Variants in SNX29 observed in about 807,000 individuals in gnomAD.
SNX29 encodes the protein sorting nexin-29.
SNX29 carries 78 observed loss-of-function variants against 102.1 expected under a neutral mutation model. The observed-to-expected ratio is 0.76, with a 90% CI of 0.64 to 0.92. The LOEUF is 0.92. Among genes scored for constraint, SNX29 ranks in the 40% least tolerant of loss-of-function variants. SNX29 has a pLI of 0.00. For synonymous variants in SNX29, 580 were observed against 414.5 expected, an observed-to-expected ratio of 1.40 and a Z score of -4.85; for missense variants, 1,280 against 1,061.7, an observed-to-expected ratio of 1.21 and a Z score of -2.86.
intron 16 of SNX29, among the ~76,000 whole-genome samples, chr16:12,363,098 G>A (rs1248953155): frequency 1.3e-5 from 2 of 152,306 alleles, no homozygotes; most frequent in East Asian, 3.9e-4. Context: ...AGGCTGTGAT[G>A]GCCAGAAGGG....
chr16:12,010,884 C>A (rs1437776254), intron 3 of SNX29, among the ~76,000 whole-genome samples: 1 of 152,050 alleles, frequency 6.6e-6, no homozygotes, highest in Non-Finnish European at 1.5e-5. Flanking sequence ...ACGTGTATCC[C>A]CCAGAGGACT....
chr16:12,540,018 C>A (rs1641894), intron 20 of SNX29, among the ~76,000 whole-genome samples: 38,758 of 152,174 alleles, frequency 0.25, 5,913 homozygotes, highest in South Asian at 0.43. Flanking sequence ...TTGCATGACA[C>A]CTTTTTAATT....
intron 20 of SNX29, among the ~76,000 whole-genome samples, chr16:12,564,930 G>C (rs911501657): frequency 8.7e-5 from 3 of 34,502 alleles, no homozygotes; most frequent in African/African-American, 2.8e-4. Flanking sequence ...GGGAACCTTG[G>C]TGTTAAAAAA....
intron 20 of SNX29, among the ~76,000 whole-genome samples, chr16:12,562,420 T>G (rs1237047570): frequency 6.6e-6 from 1 of 152,194 alleles, no homozygotes; most frequent in African/African-American, 2.4e-5. Context: ...ATTTACCCAC[T>G]TAAAGTGCAC....
intron 20 of SNX29, among the ~76,000 whole-genome samples, chr16:12,526,275 C>G (rs1190382114): frequency 2.0e-5 from 3 of 152,042 alleles, no homozygotes; most frequent in African/African-American, 7.2e-5. Context: ...TGGGGTGCAC[C>G]TTTGGGAGCC....
chr16:12,286,592 G>C (rs924661729), intron 15 of SNX29, among the ~76,000 whole-genome samples: 1 of 151,110 alleles, frequency 6.6e-6, no homozygotes, highest in Non-Finnish European at 1.5e-5. Context: ...TGATCCACCC[G>C]CCTTGGCCTC....
chr16:12,391,723 T>A (rs2083537431), intron 16 of SNX29, among the ~76,000 whole-genome samples: 1 of 152,222 alleles, frequency 6.6e-6, no homozygotes, highest in South Asian at 2.1e-4. Flanking sequence ...TCTCCCAAAA[T>A]ACTTCAGTAG....
At chr16:12,538,147 ACT>A (rs2077162326) in intron 20 of SNX29, among the ~76,000 whole-genome samples, 2 of 151,882 alleles carry the variant, frequency 1.3e-5, no homozygotes, top group African/African-American at 4.8e-5. Context: ...ACGGAGTCTC[ACT>A]CTGTCACCCA....
At chr16:12,475,021 A>G (rs141018066) in intron 18 of SNX29, among the ~76,000 whole-genome samples, 39 of 152,276 alleles carry the variant, frequency 2.6e-4, no homozygotes, top group African/African-American at 8.9e-4. Flanking sequence ...GTTCCTCTCC[A>G]TCTGTGGGGT....
At chr16:12,212,020 A>T (rs953359543) in intron 14 of SNX29, among the ~76,000 whole-genome samples, 3 of 151,998 alleles carry the variant, frequency 2.0e-5, no homozygotes, top group African/African-American at 7.2e-5. Context: ...TCTGTCTGTT[A>T]AACCCATGCT....
chr16:12,333,161 A>G (rs1337868014), intron 15 of SNX29, among the ~76,000 whole-genome samples: 1 of 139,054 alleles, frequency 7.2e-6, no homozygotes, highest in Non-Finnish European at 1.5e-5. Context: ...GCTGGAGTGC[A>G]GTGGTGCGAT....
rs1166277649 is a variant in SNX29, at chr16:12,546,235, CT to C, written c.2318+21396del. 6 of 152,322 alleles carry C rather than the reference CT, an allele frequency of 3.9e-5. No homozygotes were observed. The East Asian group carries it at 7.7e-4, about 20-fold the overall frequency. The allele number at this position is 152,322 out of a possible 1,614,324, so 9.4% of individuals were successfully genotyped here. A position where few individuals can be genotyped will look rare whatever the true frequency, so the allele number is the denominator to read the frequency against. Reference sequence around the variant, plus strand: ...AGGTACTCATTGCTGTAGAGGTAAACTTGACCTCTTTTCGACCCTTCGTACA... The same window carrying C: ...AGGTACTCATTGCTGTAGAGGTAAACTGACCTCTTTTCGACCCTTCGTACA... On this transcript the variant is annotated intron_variant, in intron 20 of 20. Coordinates refer to ENST00000566228, the MANE Select transcript of SNX29 (RefSeq NM_032167.5).
chr16:12,102,475 G>A (rs2053063562), intron 11 of SNX29, among the ~76,000 whole-genome samples: 1 of 152,126 alleles, frequency 6.6e-6, no homozygotes, highest in Non-Finnish European at 1.5e-5. Context: ...GGCGTGAGAT[G>A]GTATCTCATT....
In SNX29 at chr16:12,334,554, C is replaced by T. The variant is rs191422998; in HGVS notation, c.1783-21609C>T. Reference sequence around the variant, plus strand: ...CCTTCCCCGCAAACATTATGGGACCCCTTTAAATCAAAGATAAGAATCTGG... The same window carrying T: ...CCTTCCCCGCAAACATTATGGGACCTCTTTAAATCAAAGATAAGAATCTGG... On this transcript the variant is annotated intron_variant, in intron 15 of 20. Coordinates refer to ENST00000566228, the MANE Select transcript of SNX29 (RefSeq NM_032167.5). Among the ~76,000 whole-genome samples the T allele has an allele frequency of 6.6e-5, 10 of 152,248 alleles. No individual in the cohort carries two copies. In the East Asian group the frequency reaches 1.7e-3, roughly 26 times the overall value.
In SNX29 at chr16:12,572,421, C is replaced by A; in HGVS notation, c.*3792C>A. 2 of 1,064,048 alleles carry A rather than the reference C, an allele frequency of 1.9e-6. No homozygotes were observed. Among genetic ancestry groups the A allele is most frequent in the Non-Finnish European group, 2.3e-6 (2 of 878,444 alleles). 65.9% of individuals were successfully genotyped at this position (1,064,048 alleles called of 1,614,324 possible). Reference sequence around the variant, plus strand: ...TGAGGCAGGGCTCTGTGGCCCAGGCCGGCAGTGGCTGCCTCTCTTGGTTCT... The same window carrying A: ...TGAGGCAGGGCTCTGTGGCCCAGGCAGGCAGTGGCTGCCTCTCTTGGTTCT... On this transcript the variant is annotated 3_prime_UTR_variant, in exon 21 of 21. Coordinates refer to ENST00000566228, the MANE Select transcript of SNX29 (RefSeq NM_032167.5).
chr16:12,556,965 C>G (rs2078397868), intron 20 of SNX29, among the ~76,000 whole-genome samples: 2 of 147,444 alleles, frequency 1.4e-5, no homozygotes, highest in East Asian at 2.0e-4. Context: ...CTTCCCACTT[C>G]TGCCTCATGA....
At position 12,048,589 on chromosome 16, in the gene SNX29, C is replaced by A. The variant is rs769768951; in HGVS notation, c.717C>A (p.Pro239=). The part of the protein sequence containing the change: ...ILIKPEQETD[P]LPVVSRNVSA... The stretch of plus-strand genomic sequence containing the variant: ...TCAAACCTGAACAGGAGACCGACCC[C>A]TTGCCTGTCGTGTCCAGGAATGTCA... The change falls in exon 7 of 21, where the codon CCC becomes CCA. Residue 239 remains proline (P), a synonymous_variant. Transcript: ENST00000566228. 6 of 1,613,858 alleles carry A rather than the reference C, an allele frequency of 3.7e-6. No individual in the cohort carries two copies. Among genetic ancestry groups the A allele is most frequent in the Non-Finnish European group, 8.5e-7 (1 of 1,179,882 alleles).
intron 11 of SNX29, among the ~76,000 whole-genome samples, chr16:12,083,316 A>C (rs1451619746): frequency 2.0e-5 from 3 of 151,740 alleles, no homozygotes; most frequent in South Asian, 2.1e-4. Flanking sequence ...AAAAAAAAAA[A>C]AAACCCCTCA....
chr16:12,569,120 TGCGGGGGGGG>T lies in SNX29; in HGVS notation c.*493_*502del, dbSNP rs748512652. ...GGCCTAACCTAGGGATGGCTGGCTTTGCGGGGGGGGGGGGGGGGGGGGGCATGGTTCCTTT... is the reference window on the plus strand; with the variant it reads ...GGCCTAACCTAGGGATGGCTGGCTTTGGGGGGGGGGGGGCATGGTTCCTTT... On this transcript the variant is annotated 3_prime_UTR_variant, in exon 21 of 21. Transcript: ENST00000566228. The T allele has an allele frequency of 9.8e-4, 111 of 113,172 alleles. 8 individuals carry two copies. The highest frequency in any genetic ancestry group is 4.3e-3 in the African/African-American group (95 of 21,994). The allele number at this position is 113,172 out of a possible 1,614,324, so 7.0% of individuals were successfully genotyped here. A position where few individuals can be genotyped will look rare whatever the true frequency, so the allele number is the denominator to read the frequency against.
Sources: allele counts gnomAD v4.1 joint callset (sites outside exome capture counted in the v4.1 genomes callset), GRCh38; gene constraint gnomAD v4.1.1; transcripts MANE v1.5; gene names NCBI Gene and HGNC (gene_info 2026-07-23, HGNC 2026-07-21).